Variants in PIP5K1A observed in about 807,000 individuals in gnomAD.
PIP5K1A encodes the protein phosphatidylinositol 4-phosphate 5-kinase type-1 alpha.
Under a neutral mutation model 72.9 loss-of-function variants are expected in PIP5K1A, and 46 were observed. The ratio of observed to expected loss-of-function variants is 0.63; its 90% CI spans 0.50 to 0.81. The LOEUF (loss-of-function observed/expected upper bound fraction) is 0.81. Among genes scored for constraint, PIP5K1A ranks in the 30% least tolerant of loss-of-function variants. The pLI, the probability that PIP5K1A is intolerant of heterozygous loss-of-function variation, is 0.00. For missense variants in PIP5K1A, 458 were observed against 706.1 expected (o/e 0.65, Z 3.98); for synonymous variants, 228 against 255.1 (o/e 0.89, Z 1.01).
intron 1 of PIP5K1A, 94 bp downstream of exon 1, chr1:151,199,175 C>G (rs1022898673): frequency 1.3e-6 from 2 of 1,591,906 alleles, no homozygotes; most frequent in Non-Finnish European, 1.7e-6. Flanking sequence ...TGGGAATGTC[C>G]TACGTGTTAC....
In PIP5K1A at chr1:151,218,862, A is replaced by G. The variant is rs912888197; in HGVS notation, c.86-5383A>G. On this transcript the variant is annotated intron_variant, in intron 1 of 15. Transcript: ENST00000368888. ...AAAAAAAAAAAAAAAAAGGCCAGAGATTATTCAGAAGAAAGTATTGAATTA... is the reference window on the plus strand; with the variant it reads ...AAAAAAAAAAAAAAAAAGGCCAGAGGTTATTCAGAAGAAAGTATTGAATTA... Among the ~76,000 whole-genome samples, 12 of 147,714 alleles carry G rather than the reference A, an allele frequency of 8.1e-5. No individual in the cohort carries two copies. In the East Asian group the frequency reaches 2.0e-3, roughly 24 times the overall value.
At position 151,198,848 on chromosome 1, in the gene PIP5K1A, G is replaced by C; in HGVS notation, c.-149G>C. On this transcript the variant is annotated 5_prime_UTR_variant, in exon 1 of 16. Coordinates refer to ENST00000368888, the MANE Select transcript of PIP5K1A (RefSeq NM_001135638.2). ...CTTGAGCTGGTCCAGGAGCCGGCTC[G>C]ACGTGTCTGAGGGAGGCCCCGGAGG... is the stretch of plus-strand genomic sequence containing the variant. 1.3e-6 allele frequency: 1 copy of C among 741,878 alleles called. No individual in the cohort carries two copies. The highest frequency in any genetic ancestry group is 2.3e-6 in the Non-Finnish European group (1 of 430,712). 46.0% of individuals were successfully genotyped at this position (741,878 alleles called of 1,614,324 possible).
chr1:151,242,594 A>G (rs759102840), intron 14 of PIP5K1A, 27 bp downstream of exon 14: 26 of 1,598,996 alleles, frequency 1.6e-5, no homozygotes, highest in Non-Finnish European at 2.1e-5. Flanking sequence ...CTTTCTCCAT[A>G]TAATCTTATC....
chr1:151,215,893 T>G, intron 1 of PIP5K1A: 2 of 799,710 alleles, frequency 2.5e-6, no homozygotes, highest in South Asian at 2.8e-5. Context: ...TAAAAACATG[T>G]ATGCTTATCA....
rs145126650 is a variant in PIP5K1A at position 151,242,521 on chromosome 1, A to G, written c.1594A>G (p.Ser532Gly). The G allele has an allele frequency of 6.7e-4, 1,089 of 1,613,860 alleles. 1 individual carries two copies. Among genetic ancestry groups the G allele is most frequent in the Non-Finnish European group, 8.6e-4 (1,013 of 1,179,770 alleles). ...ISEGSPIPDP[S>G]FSPLVGETLQ... ...TGAGGGCTCGCCTATTCCTGACCCC[A>G]GTTTCTCACCTCTAGTTGGAGAGAC... The change falls in exon 14 of 16, where the codon AGT (serine) becomes GGT (glycine). Residue 532 changes from serine to glycine, a missense_variant. Ser to Gly is a moderately conservative substitution (Grantham distance 56). Transcript: ENST00000368888.
At chr1:151,209,641 G>A (rs1686500103) in intron 1 of PIP5K1A, among the ~76,000 whole-genome samples, 1 of 151,990 alleles carries the variant, frequency 6.6e-6, no homozygotes, top group African/African-American at 2.4e-5. Flanking sequence ...GTTTCTCCAT[G>A]TTGGTCAGGC....
At chr1:151,239,276 C>CTTT in intron 11 of PIP5K1A, 98 bp downstream of exon 11, 27 of 606,342 alleles carry the variant, frequency 4.5e-5, no homozygotes, top group South Asian at 8.4e-5. Context: ...TTTCTTTTTT[C>CTTT]TTTTTTTTTT....
chr1:151,231,899 G>A (rs1419159395), intron 5 of PIP5K1A, 98 bp downstream of exon 5: 2 of 1,110,506 alleles, frequency 1.8e-6, no homozygotes, highest in Non-Finnish European at 2.7e-6. Context: ...ATTTAGACAT[G>A]TGTCCATTTC....
chr1:151,233,275 C>T (rs587657426), intron 7 of PIP5K1A: 1 of 152,096 alleles, frequency 6.6e-6, no homozygotes, highest in East Asian at 1.9e-4. Flanking sequence ...AGGCACGCAC[C>T]ACCACACCTG....
chr1:151,244,015 G>T lies in PIP5K1A; in HGVS notation c.1640+1448G>T, dbSNP rs142311334. 3.0e-3 allele frequency among the ~76,000 whole-genome samples: 452 copies of T among 152,028 alleles called. 6 individuals are homozygous for T. Among genetic ancestry groups the T allele is most frequent in the African/African-American group, 0.01 (423 of 41,490 alleles). On this transcript the variant is annotated intron_variant, in intron 14 of 15. Coordinates refer to ENST00000368888, the MANE Select transcript of PIP5K1A (RefSeq NM_001135638.2). ...CACATCCCAGATTCAACCAACTGTG[G>T]ACTGAAAATACTTGAGAGCCTGGTG...
chr1:151,217,103 G>C (rs1198611637), intron 1 of PIP5K1A, among the ~76,000 whole-genome samples: 2 of 152,022 alleles, frequency 1.3e-5, no homozygotes, highest in African/African-American at 4.8e-5. Context: ...AGTAGAGACA[G>C]GGTTTTTCCA....
In PIP5K1A at chr1:151,249,128, T is replaced by G. The variant is rs2101814961; in HGVS notation, c.*1263T>G. The G allele has an allele frequency of 6.6e-6, 1 of 152,298 alleles. No individual in the cohort carries two copies. Among genetic ancestry groups the G allele is most frequent in the East Asian group, 1.9e-4 (1 of 5,182 alleles). 9.4% of individuals were successfully genotyped at this position (152,298 alleles called of 1,614,324 possible). Reference sequence around the variant, plus strand: ...CAGGGGAAGAAGGGGGCCTGGTATCTCAGGCAGATTGTTGAATTCCTGTTC... The same window carrying G: ...CAGGGGAAGAAGGGGGCCTGGTATCGCAGGCAGATTGTTGAATTCCTGTTC... On this transcript the variant is annotated 3_prime_UTR_variant, in exon 16 of 16. Coordinates refer to ENST00000368888, the MANE Select transcript of PIP5K1A (RefSeq NM_001135638.2).
chr1:151,222,272 C>G (rs1388952103), intron 1 of PIP5K1A, among the ~76,000 whole-genome samples: 1 of 152,158 alleles, frequency 6.6e-6, no homozygotes, highest in African/African-American at 2.4e-5. Flanking sequence ...AGTGTTATTA[C>G]TTAGACCCTA....
chr1:151,244,382 A>G (rs1692193650), intron 14 of PIP5K1A, among the ~76,000 whole-genome samples: 1 of 152,086 alleles, frequency 6.6e-6, no homozygotes, highest in Non-Finnish European at 1.5e-5. Flanking sequence ...GCCAGGCGTG[A>G]TGGCTCACGC....
Position 151,199,066 on chromosome 1 carries a change from T to C in PIP5K1A, c.70T>C (p.Cys24Arg), listed in dbSNP as rs764552843. The C allele has an allele frequency of 6.2e-7, 1 of 1,614,146 alleles. No homozygotes were observed. The highest frequency in any genetic ancestry group is 8.5e-7 in the Non-Finnish European group (1 of 1,180,020). The change falls in exon 1 of 16, where the codon TGT becomes CGT. Residue 24 changes from cysteine to arginine, a missense_variant. Transcript: ENST00000368888. ...FSSFDPAVPSCTLSSAASGIK... is the reference protein window; with the variant it reads ...FSSFDPAVPSRTLSSAASGIK... ...ATCCTTTGATCCCGCGGTCCCTTCC[T>C]GTACCTTGTCCTCAGGTAAGCCCGG...
chr1:151,233,919 G>A (rs587770896), intron 7 of PIP5K1A: 18 of 396,380 alleles, frequency 4.5e-5, no homozygotes, highest in African/African-American at 1.2e-4. Flanking sequence ...AGAGAGTGTC[G>A]TCTTCTCTTA....
chr1:151,195,947 T>C (rs1253036103), upstream of PIP5K1A, among the ~76,000 whole-genome samples: 23 of 124,790 alleles, frequency 1.8e-4, no homozygotes, highest in African/African-American at 6.6e-4. Flanking sequence ...CAGGCTGCAG[T>C]GCAGTGGCAC....
At position 151,231,729 on chromosome 1, in the gene PIP5K1A, G is replaced by A. The variant is rs1411195632; in HGVS notation, c.296G>A (p.Ser99Asn). 1 of 1,613,432 alleles carries A rather than the reference G, an allele frequency of 6.2e-7. No homozygotes were observed. Among genetic ancestry groups the A allele is most frequent in the African/African-American group, 1.3e-5 (1 of 75,028 alleles). The change falls in exon 5 of 16, where the codon AGC becomes AAC. Residue 99 changes from serine (S) to asparagine (N), a missense_variant. By Grantham distance (46) the Ser-to-Asn change is conservative. Coordinates refer to ENST00000368888, the MANE Select transcript of PIP5K1A (RefSeq NM_001135638.2). ...TTAGGCATTACCCACACTGTGGGGA[G>A]CCTGAGTACCAAACCAGAGCGTGAT... Reference protein sequence around the residue: ...IQLGITHTVGSLSTKPERDVL... With the variant: ...IQLGITHTVGNLSTKPERDVL...
chr1:151,246,357 G>A (rs914624252), intron 14 of PIP5K1A, among the ~76,000 whole-genome samples: 8 of 152,102 alleles, frequency 5.3e-5, no homozygotes, highest in Non-Finnish European at 5.9e-5. Flanking sequence ...TTATCTGAGG[G>A]AAGATCAGCT....
Sources: gnomAD v4.1 joint callset for allele counts (sites outside exome capture counted in the v4.1 genomes callset) on GRCh38, gnomAD v4.1.1 for gene constraint, MANE v1.5 for transcripts, NCBI Gene and HGNC (gene_info 2026-07-23, HGNC 2026-07-21) for gene names.